TFEB: variants seen among roughly 807,000 people sequenced by gnomAD.
TFEB encodes the protein transcription factor EB.
TFEB carries 12 observed loss-of-function variants against 48.0 expected under a neutral mutation model. The observed-to-expected ratio is 0.25, with a 90% CI of 0.16 to 0.40. TFEB has a LOEUF of 0.40. TFEB is among the 10% of genes least tolerant of loss of function. TFEB has a pLI of 1.00. For missense variants in TFEB, 509 were observed against 640.3 expected (o/e 0.79, Z 2.21); for synonymous variants, 244 against 261.4 (o/e 0.93, Z 0.64).
chr6:41,712,313 A>T (rs912157553), intron 1 of TFEB, among the ~76,000 whole-genome samples: 1 of 152,110 alleles, frequency 6.6e-6, no homozygotes, highest in African/African-American at 2.4e-5. Context: ...TATATTTTCG[A>T]GAAAGAGGCT....
At chr6:41,688,150 T>G (rs1769114165) in intron 4 of TFEB, 122 bp from the exon 5 acceptor site, 1 of 1,277,672 alleles carries the variant, frequency 7.8e-7, no homozygotes, top group Non-Finnish European at 1.1e-6. Context: ...AAATTCACCT[T>G]GGGCCCTTTC....
chr6:41,702,435 G>A (rs1452366797), intron 1 of TFEB, among the ~76,000 whole-genome samples: 1 of 152,198 alleles, frequency 6.6e-6, no homozygotes, highest in Non-Finnish European at 1.5e-5. Context: ...GGGTGGTAAG[G>A]GTTGGGGGAG....
rs1421322361 is a variant in TFEB, at chr6:41,687,822, A to G, written c.671-13T>C. On this transcript the variant is annotated splice_polypyrimidine_tract_variant and intron_variant, in intron 5 of 8. Coordinates refer to ENST00000373033, the MANE Select transcript of TFEB (RefSeq NM_001271944.2). ...CTGCTCTCAGCATCTGGAGGCCAAA[A>G]GAGAAGGAGAGAGGAGCTGGGAGGG... 1 of 1,613,232 alleles carries G rather than the reference A, an allele frequency of 6.2e-7. No individual in the cohort carries two copies. The highest frequency in any genetic ancestry group is 8.5e-7 in the Non-Finnish European group (1 of 1,179,468).
intron 1 of TFEB, among the ~76,000 whole-genome samples, chr6:41,706,414 G>A (rs1432097819): frequency 6.6e-6 from 1 of 152,162 alleles, no homozygotes; most frequent in South Asian, 2.1e-4. Context: ...GCTGGCAGAG[G>A]CCACTAGACA....
intron 6 of TFEB, 40 bp downstream of exon 6, chr6:41,687,713 A>G (rs948288420): frequency 6.2e-7 from 1 of 1,613,554 alleles, no homozygotes. Flanking sequence ...GGTGAGAACA[A>G]GGAAGAGGGA....
intron 1 of TFEB, among the ~76,000 whole-genome samples, chr6:41,731,287 C>T (rs144459379): frequency 3.3e-4 from 50 of 152,116 alleles, no homozygotes; most frequent in African/African-American, 1.2e-3. Flanking sequence ...CTGTGCAAGC[C>T]ACATAGCCTG....
chr6:41,735,626 C>T, upstream of TFEB: 1 of 935,948 alleles, frequency 1.1e-6, no homozygotes, highest in Non-Finnish European at 1.3e-6. Context: ...TCCCTCCGCG[C>T]CCGGCAGAGG....
chr6:41,711,205 T>C (rs1770460398), intron 1 of TFEB, among the ~76,000 whole-genome samples: 1 of 152,220 alleles, frequency 6.6e-6, no homozygotes, highest in South Asian at 2.1e-4. Flanking sequence ...AATACTACTG[T>C]ACTCATTTTA....
Position 41,723,803 on chromosome 6 carries a change from G to A in TFEB, c.-23+11547C>T, listed in dbSNP as rs1771091916. 2.6e-6 allele frequency: 1 copy of A among 387,498 alleles called. No individual in the cohort carries two copies. The highest frequency in any genetic ancestry group is 5.2e-6 in the Non-Finnish European group (1 of 193,888). The allele number at this position is 387,498 out of a possible 1,614,324, so 24.0% of individuals were successfully genotyped here. A position where few individuals can be genotyped will look rare whatever the true frequency, so the allele number is the denominator to read the frequency against. The stretch of plus-strand genomic sequence containing the variant: ...GGTCCTCCCACAGGAGGCCTCTCAT[G>A]GCCGCCCTGACCCCAGCCTGACCTC... On this transcript the variant is annotated intron_variant, in intron 1 of 8. Coordinates refer to ENST00000373033, the MANE Select transcript of TFEB (RefSeq NM_001271944.2). This position sits in a 1 kb window ranked among gnomAD's most constrained non-coding sequence, Gnocchi z 6.0.
intron 3 of TFEB, among the ~76,000 whole-genome samples, chr6:41,690,355 C>G (rs1769234557): frequency 6.6e-6 from 1 of 152,114 alleles, no homozygotes; most frequent in East Asian, 1.9e-4. Flanking sequence ...TTCTCAAACT[C>G]CTGACCTCAA....
intron 1 of TFEB, among the ~76,000 whole-genome samples, chr6:41,726,674 C>T (rs186827686): frequency 2.1e-3 from 314 of 152,250 alleles, no homozygotes; most frequent in African/African-American, 7.2e-3. Context: ...CCCCTGACCT[C>T]GTGATCTGCC....
At chr6:41,712,928 T>C (rs9471632) in intron 1 of TFEB, among the ~76,000 whole-genome samples, 85,488 of 152,062 alleles carry the variant, frequency 0.56, 25,214 homozygotes, top group African/African-American at 0.75. Context: ...GGGAACTTGC[T>C]CTGGTGGCAG....
At chr6:41,716,561 T>C (rs886503057) in intron 1 of TFEB, among the ~76,000 whole-genome samples, 1 of 152,210 alleles carries the variant, frequency 6.6e-6, no homozygotes, top group Admixed American at 6.5e-5. Context: ...GGACACCTAC[T>C]GCATGCCAAG....
intron 1 of TFEB, among the ~76,000 whole-genome samples, chr6:41,695,639 T>C (rs1458874129): frequency 6.6e-6 from 1 of 152,102 alleles, no homozygotes; most frequent in African/African-American, 2.4e-5. Context: ...TAACTACTAT[T>C]CTGGGCTCTC....
intron 8 of TFEB, among the ~76,000 whole-genome samples, chr6:41,685,631 G>A (rs775398741): frequency 1.1e-4 from 17 of 152,180 alleles, no homozygotes; most frequent in Admixed American, 2.6e-4. Flanking sequence ...GGTTCTTTAG[G>A]TTGGCCCTGT....
intron 1 of TFEB, chr6:41,733,936 T>C: frequency 1.0e-6 from 1 of 970,760 alleles, no homozygotes; most frequent in Non-Finnish European, 1.2e-6. Context: ...CAATGGAATC[T>C]CGGCCAGGGC....
chr6:41,702,825 G>GCAC (rs1276825695), intron 1 of TFEB, among the ~76,000 whole-genome samples: 2 of 152,202 alleles, frequency 1.3e-5, no homozygotes, highest in Non-Finnish European at 2.9e-5. Flanking sequence ...GCATCGGTAT[G>GCAC]CACCACCCAG....
At position 41,735,509 on chromosome 6, in the gene TFEB, G is replaced by C. The variant is rs1363650212; in HGVS notation, c.-182C>G. The C allele has an allele frequency of 8.1e-6, 8 of 983,954 alleles. No homozygotes were observed. In the East Asian group the frequency reaches 9.1e-4, roughly 112 times the overall value. 61.0% of individuals were successfully genotyped at this position (983,954 alleles called of 1,614,324 possible). ...GCCCGCCCCGTCCGCCCTTCCCGCC[G>C]CCGTCGGCGCCGCGGCCGCTCCCTG... On this transcript the variant is annotated 5_prime_UTR_variant, in exon 1 of 9. Transcript: ENST00000373033.
chr6:41,719,106 C>T (rs1161286978), intron 1 of TFEB, among the ~76,000 whole-genome samples: 1 of 152,142 alleles, frequency 6.6e-6, no homozygotes, highest in Non-Finnish European at 1.5e-5. Context: ...GCACTGGATT[C>T]TTATAGGAGT....
Sources: allele counts gnomAD v4.1 joint callset (sites outside exome capture counted in the v4.1 genomes callset), GRCh38; gene constraint gnomAD v4.1.1; non-coding constraint Gnocchi (gnomAD v3.1); transcripts MANE v1.5; gene names NCBI Gene and HGNC (gene_info 2026-07-23, HGNC 2026-07-21).